KIF1B: variants seen among roughly 807,000 people sequenced by gnomAD.
The protein encoded by KIF1B is kinesin family member 1B.
Under a neutral mutation model 241.9 loss-of-function variants are expected in KIF1B, and 76 were observed. The observed-to-expected ratio is 0.31, with a 90% confidence interval of 0.26 to 0.38. The LOEUF is 0.38. KIF1B is among the 10% of genes least tolerant of loss of function. The pLI, the probability that KIF1B is intolerant of heterozygous loss-of-function variation, is 1.00. For synonymous variants in KIF1B, 750 were observed against 796.7 expected, an observed-to-expected ratio of 0.94 and a Z score of 0.99; for missense variants, 1,622 against 2,271.4, an observed-to-expected ratio of 0.71 and a Z score of 5.81.
intron 25 of KIF1B, 82 bp from the exon 26 acceptor site, chr1:10,324,666 TGAAGAAAATC>T: frequency 9.0e-6 from 13 of 1,445,492 alleles, no homozygotes; most frequent in Non-Finnish European, 8.7e-6. Flanking sequence ...TTTTTTTTTT[TGAAGAAAATC>T]TTGAACGGAA....
intron 28 of KIF1B, among the ~76,000 whole-genome samples, chr1:10,336,276 G>C (rs577904237): frequency 3.3e-5 from 5 of 152,204 alleles, no homozygotes; most frequent in Non-Finnish European, 7.3e-5. Flanking sequence ...AGCCTCCTGA[G>C]TAGCTGGGAT....
chr1:10,261,740 A>G (rs940674293), intron 4 of KIF1B, among the ~76,000 whole-genome samples, 165 bp from the exon 5 acceptor site: 4 of 152,182 alleles, frequency 2.6e-5, no homozygotes, highest in African/African-American at 9.7e-5. Context: ...TATGCAGCGC[A>G]TGACTGACTT....
chr1:10,357,437 C>A (rs1000630647), intron 38 of KIF1B, among the ~76,000 whole-genome samples: 3 of 152,280 alleles, frequency 2.0e-5, no homozygotes, highest in African/African-American at 4.8e-5. Flanking sequence ...GTATTTCTTA[C>A]AACCACCTCT....
chr1:10,278,877 C>A, intron 13 of KIF1B: 1 of 472,656 alleles, frequency 2.1e-6, no homozygotes. Context: ...ACTTATATTC[C>A]TTGAAGTTCT....
chr1:10,231,340 G>A (rs1646979614), intron 1 of KIF1B, among the ~76,000 whole-genome samples: 1 of 138,956 alleles, frequency 7.2e-6, no homozygotes, highest in African/African-American at 2.7e-5. Context: ...GTAACCAAAT[G>A]TTTCAAACTA....
chr1:10,317,812 C>T (rs963949551), intron 22 of KIF1B, among the ~76,000 whole-genome samples: 1 of 131,160 alleles, frequency 7.6e-6, no homozygotes, highest in Admixed American at 8.1e-5. Context: ...ACCTGGGTGA[C>T]AGAGCGAGAC....
rs1638916071 is a variant in KIF1B, at chr1:10,377,323, G to A, written c.*736G>A. On this transcript the variant is annotated 3_prime_UTR_variant, in exon 49 of 49. Coordinates refer to ENST00000676179, the MANE Select transcript of KIF1B (RefSeq NM_001365951.3). ...CGAGAGGCTTTTTCAGTGGGCCTGG[G>A]ACAGTGGCTGCTCTTGACTTTGTGT... is the stretch of plus-strand genomic sequence containing the variant. 4.4e-6 allele frequency: 1 copy of A among 228,448 alleles called. No homozygotes were observed. The allele number at this position is 228,448 out of a possible 1,614,324, so 14.2% of individuals were successfully genotyped here. A position where few individuals can be genotyped will look rare whatever the true frequency, so the allele number is the denominator to read the frequency against.
chr1:10,236,327 G>GA (rs1396517216), intron 2 of KIF1B, among the ~76,000 whole-genome samples: 1 of 151,348 alleles, frequency 6.6e-6, no homozygotes, highest in Non-Finnish European at 1.5e-5. Context: ...GTATATTTGG[G>GA]AAAATTTTCA....
At chr1:10,237,870 G>A (rs1004225975) in intron 2 of KIF1B, among the ~76,000 whole-genome samples, 3 of 151,814 alleles carry the variant, frequency 2.0e-5, no homozygotes, top group African/African-American at 4.8e-5. Context: ...CTAGCTGGGT[G>A]TGGTGGTGTG....
chr1:10,219,632 C>A (rs1473403852), intron 1 of KIF1B, among the ~76,000 whole-genome samples: 5 of 151,762 alleles, frequency 3.3e-5, no homozygotes, highest in African/African-American at 7.3e-5. Context: ...GTGGTGCATG[C>A]CTGTAATCCC....
chr1:10,237,119 G>A (rs966547687), intron 2 of KIF1B, among the ~76,000 whole-genome samples: 6 of 152,154 alleles, frequency 3.9e-5, no homozygotes, highest in African/African-American at 1.2e-4. Flanking sequence ...TTTTATTTAA[G>A]CACTTTCTGG....
chr1:10,301,279 T>G (rs1650528523), intron 22 of KIF1B, among the ~76,000 whole-genome samples: 1 of 152,222 alleles, frequency 6.6e-6, no homozygotes, highest in African/African-American at 2.4e-5. Flanking sequence ...AAAGATTGAC[T>G]GTTAGTAACT....
rs570088213 is a variant in KIF1B, at chr1:10,313,624, C to T, written c.2116-6419C>T. 1.7e-3 allele frequency among the ~76,000 whole-genome samples: 254 copies of T among 146,848 alleles called. 1 individual carries two copies. Among genetic ancestry groups the T allele is most frequent in the Non-Finnish European group, 2.8e-3 (190 of 67,578 alleles). ...GGAGTGCAGTGGCGCAATCTCGGCTCACTGCAAGCTCCGCCTCCTGGGTTC... is the reference window on the plus strand; with the variant it reads ...GGAGTGCAGTGGCGCAATCTCGGCTTACTGCAAGCTCCGCCTCCTGGGTTC... On this transcript the variant is annotated intron_variant, in intron 22 of 48. Coordinates refer to ENST00000676179, the MANE Select transcript of KIF1B (RefSeq NM_001365951.3).
At chr1:10,343,839 T>C (rs1378292254) in intron 34 of KIF1B, among the ~76,000 whole-genome samples, 1 of 152,078 alleles carries the variant, frequency 6.6e-6, no homozygotes, top group Non-Finnish European at 1.5e-5. Flanking sequence ...ATCTACAAAC[T>C]CTCTGGTCTT....
At chr1:10,353,257 C>T (rs1016139253) in intron 38 of KIF1B, among the ~76,000 whole-genome samples, 3 of 152,016 alleles carry the variant, frequency 2.0e-5, no homozygotes, top group South Asian at 2.1e-4. Flanking sequence ...TGCACAAAAG[C>T]GATAAATAAT....
At chr1:10,215,267 C>T (rs1646753916) in intron 1 of KIF1B, among the ~76,000 whole-genome samples, 1 of 146,634 alleles carries the variant, frequency 6.8e-6, no homozygotes, top group South Asian at 2.2e-4. Flanking sequence ...ACCTCCACCT[C>T]CCAGGTTCAA....
intron 17 of KIF1B, among the ~76,000 whole-genome samples, chr1:10,293,142 A>C (rs1650089896): frequency 6.6e-6 from 1 of 150,646 alleles, no homozygotes; most frequent in Admixed American, 6.6e-5. Context: ...GAAAAGACTG[A>C]TGTAAAGACA....
At position 10,256,089 on chromosome 1, in the gene KIF1B, A is replaced by C. The variant is rs1248267947; in HGVS notation, c.107-158A>C. ...CTCTCAAAATGCTGAAATTACAGGCATGAGCCACTGAGCCCAGCCTATTAA... is the reference window on the plus strand; with the variant it reads ...CTCTCAAAATGCTGAAATTACAGGCCTGAGCCACTGAGCCCAGCCTATTAA... On this transcript the variant is annotated intron_variant, in intron 2 of 48. Transcript: ENST00000676179. Among the ~76,000 whole-genome samples the C allele has an allele frequency of 2.6e-5, 4 of 152,000 alleles. No homozygotes were observed. In the East Asian group the frequency reaches 7.7e-4, roughly 29 times the overall value.
intron 15 of KIF1B, among the ~76,000 whole-genome samples, chr1:10,285,983 C>G (rs1649670528): frequency 6.6e-6 from 1 of 151,470 alleles, no homozygotes; most frequent in Non-Finnish European, 1.5e-5. Flanking sequence ...GTTGCTGTGG[C>G]TTTGTTCACT....
Sources: gnomAD v4.1 joint callset for allele counts (sites outside exome capture counted in the v4.1 genomes callset) on GRCh38, gnomAD v4.1.1 for gene constraint, MANE v1.5 for transcripts, NCBI Gene and HGNC (gene_info 2026-07-23, HGNC 2026-07-21) for gene names.